Variants in PCID2 observed in about 807,000 individuals in gnomAD.
The protein encoded by PCID2 is PCI domain containing 2, also known as PCI domain-containing protein 2.
PCID2 carries 41 observed loss-of-function variants against 61.3 expected under a neutral mutation model. The observed-to-expected ratio is 0.67, with a 90% CI of 0.52 to 0.87. The LOEUF is 0.87. Ranked by LOEUF, PCID2 falls within the 40% of genes least tolerant of loss-of-function variation. The pLI, the probability that PCID2 is intolerant of heterozygous loss-of-function variation, is 0.00. For missense variants in PCID2, 392 were observed against 493.4 expected (o/e 0.79, Z 1.95); for synonymous variants, 187 against 177.8 (o/e 1.05, Z -0.41).
In PCID2 at chr13:113,198,289, A is replaced by G. The variant is rs371599282; in HGVS notation, c.127-25T>C. 57 of 1,464,554 alleles carry G rather than the reference A, an allele frequency of 3.9e-5. No individual in the cohort carries two copies. The African/African-American group carries it at 7.7e-4, about 20-fold the overall frequency. 90.7% of individuals were successfully genotyped at this position (1,464,554 alleles called of 1,614,324 possible). A position where few individuals can be genotyped will look rare whatever the true frequency, so the allele number is the denominator to read the frequency against. On this transcript the variant is annotated intron_variant, in intron 2 of 13. Transcript: ENST00000337344. ...TCTGATTTTAAAAAAGAAAAATAGC[A>G]AAAGTAAAATTAATAGGCACAGAAA... is the stretch of plus-strand genomic sequence containing the variant.
chr13:113,168,216 C>T, the PCID2 span, among the ~76,000 whole-genome samples: 26,347 of 152,220 alleles, frequency 0.17, 2,955 homozygotes, highest in South Asian at 0.42. Flanking sequence ...TAGTGGAATG[C>T]GGATAAATAT....
At chr13:113,182,983 TAAATAATATAAA>T (rs1192179908) in intron 9 of PCID2, among the ~76,000 whole-genome samples, 7 of 152,192 alleles carry the variant, frequency 4.6e-5, no homozygotes, top group African/African-American at 1.4e-4. Context: ...CTTTCTTACA[TAAATAATATAAA>T]ATCACAGGAA....
intron 7 of PCID2, among the ~76,000 whole-genome samples, chr13:113,189,723 A>AG (rs2038436232): frequency 1.3e-5 from 2 of 151,192 alleles, no homozygotes; most frequent in Non-Finnish European, 2.9e-5. Context: ...GGAGAGGAAA[A>AG]AAAAAAAAAA....
At chr13:113,206,875 G>C (rs1415881292) in intron 1 of PCID2, among the ~76,000 whole-genome samples, 1 of 152,182 alleles carries the variant, frequency 6.6e-6, no homozygotes, top group African/African-American at 2.4e-5. Flanking sequence ...CTCTCTACTT[G>C]TTCCCTGGGT....
the PCID2 span, among the ~76,000 whole-genome samples, chr13:113,165,540 G>T: frequency 2.0e-5 from 3 of 151,818 alleles, no homozygotes; most frequent in African/African-American, 7.3e-5. Flanking sequence ...TTTTTGGTTT[G>T]TTTTTTTTGA....
At position 113,178,490 on chromosome 13, in the gene PCID2, G is replaced by A. The variant is rs1306549879; in HGVS notation, c.1111-203C>T. The stretch of plus-strand genomic sequence containing the variant: ...TTCATATCCATGAATCTAACCAACT[G>A]TGGACTGAAAATATTTGGGGAAAAA... On this transcript the variant is annotated intron_variant, in intron 13 of 13. Coordinates refer to ENST00000337344, the MANE Select transcript of PCID2 (RefSeq NM_001127202.4). 1.6e-5 allele frequency: 8 copies of A among 495,010 alleles called. No individual in the cohort carries two copies. In the East Asian group the frequency reaches 2.7e-4, roughly 17 times the overall value. The allele number at this position is 495,010 out of a possible 1,614,324, so 30.7% of individuals were successfully genotyped here.
In PCID2 at chr13:113,177,654, TA is replaced by T. The variant is rs749696935; in HGVS notation, c.*543del. 1 of 152,208 alleles carries T rather than the reference TA, an allele frequency of 6.6e-6. No homozygotes were observed. The highest frequency in any genetic ancestry group is 1.5e-5 in the Non-Finnish European group (1 of 68,050). 9.4% of individuals were successfully genotyped at this position (152,208 alleles called of 1,614,324 possible). Reference sequence around the variant, plus strand: ...AGTTTATTGGGATGTAACCCTATCATAAATTGAGGAGCATCCATACAGGCAA... The same window carrying T: ...AGTTTATTGGGATGTAACCCTATCATAATTGAGGAGCATCCATACAGGCAA... On this transcript the variant is annotated 3_prime_UTR_variant, in exon 14 of 14. Coordinates refer to ENST00000337344, the MANE Select transcript of PCID2 (RefSeq NM_001127202.4).
At position 113,198,084 on chromosome 13, in the gene PCID2, A is replaced by G. The variant is rs530760357; in HGVS notation, c.200+107T>C. 8.1e-5 allele frequency: 62 copies of G among 762,986 alleles called. No homozygotes were observed. The African/African-American group carries it at 1.0e-3, about 13-fold the overall frequency. The allele number at this position is 762,986 out of a possible 1,614,324, so 47.3% of individuals were successfully genotyped here. ...TACAAATGCATTTTCCCACTTTTTC[A>G]AAGTCAGTTATTCACTGCTTCAAGC... On this transcript the variant is annotated intron_variant, in intron 3 of 13. Transcript: ENST00000337344.
intron 1 of PCID2, among the ~76,000 whole-genome samples, chr13:113,202,575 T>C (rs981614330): frequency 6.6e-6 from 1 of 152,214 alleles, no homozygotes; most frequent in African/African-American, 2.4e-5. Context: ...GGAATTTACA[T>C]GCAATAATTT....
rs1250091187 is a variant in PCID2 at position 113,196,572 on chromosome 13, G to A, written c.267-350C>T. ...GCTTTAGAATCTGTAGCATAAGGCTGATTTTATCAACTCTAGAATTCTTGA... is the reference window on the plus strand; with the variant it reads ...GCTTTAGAATCTGTAGCATAAGGCTAATTTTATCAACTCTAGAATTCTTGA... On this transcript the variant is annotated intron_variant, in intron 4 of 13. Coordinates refer to ENST00000337344, the MANE Select transcript of PCID2 (RefSeq NM_001127202.4). Among the ~76,000 whole-genome samples, 3 of 152,204 alleles carry A rather than the reference G, an allele frequency of 2.0e-5. 1 individual carries two copies. Among genetic ancestry groups the A allele is most frequent in the Non-Finnish European group, 2.9e-5 (2 of 68,034 alleles).
chr13:113,193,161 C>T (rs1006346687), intron 6 of PCID2, among the ~76,000 whole-genome samples: 21 of 152,096 alleles, frequency 1.4e-4, no homozygotes, highest in Non-Finnish European at 5.9e-5. Context: ...TAAGACATGA[C>T]TAACACAAGA....
At chr13:113,172,468 G>T in the PCID2 span, 2 of 348,538 alleles carry the variant, frequency 5.7e-6, no homozygotes, top group South Asian at 2.4e-5. Flanking sequence ...CTGCACACTG[G>T]TGAGTGTGTT....
chr13:113,201,466 G>C (rs187201656), intron 1 of PCID2, among the ~76,000 whole-genome samples: 1 of 152,178 alleles, frequency 6.6e-6, no homozygotes, highest in East Asian at 1.9e-4. Context: ...TCTAGCGCCT[G>C]CCACAACAGA....
At chr13:113,208,340 C>G in intron 1 of PCID2, 1 of 1,432,540 alleles carries the variant, frequency 7.0e-7, no homozygotes, top group Non-Finnish European at 9.1e-7. Flanking sequence ...GGGACCGCCG[C>G]GTCTACTTAC....
At chr13:113,176,748 G>A (rs2037197912), downstream of PCID2, among the ~76,000 whole-genome samples, 1 of 152,186 alleles carries the variant, frequency 6.6e-6, no homozygotes, top group Non-Finnish European at 1.5e-5. Flanking sequence ...GGGTGACAGA[G>A]TGAGGTCCTG....
Position 113,179,328 on chromosome 13 carries a change from GT to G in PCID2, c.987-240del, listed in dbSNP as rs958594312. Among the ~76,000 whole-genome samples, 1,107 of 148,824 alleles carry G rather than the reference GT, an allele frequency of 7.4e-3. 18 individuals are homozygous for G. Among genetic ancestry groups the G allele is most frequent in the African/African-American group, 0.025 (1,024 of 40,566 alleles). Reference sequence around the variant, plus strand: ...TTTCTAAGTATTTCATTAAGGTTCGGTTTTTTTTTTCACATTTTAATCTCCC... The same window carrying G: ...TTTCTAAGTATTTCATTAAGGTTCGGTTTTTTTTTCACATTTTAATCTCCC... On this transcript the variant is annotated intron_variant, in intron 12 of 13. Coordinates refer to ENST00000337344, the MANE Select transcript of PCID2 (RefSeq NM_001127202.4). This position sits in a 1 kb window ranked among gnomAD's most constrained non-coding sequence, Gnocchi z 4.3.
At chr13:113,200,696 CTTT>C (rs998821979) in intron 1 of PCID2, 180 bp from the exon 2 acceptor site, 2,726 of 218,970 alleles carry the variant, frequency 0.012, no homozygotes, top group Middle Eastern at 0.028. Flanking sequence ...ACAATAATTT[CTTT>C]TTTTTTTTTT....
At chr13:113,205,782 G>C (rs146763475) in intron 1 of PCID2, among the ~76,000 whole-genome samples, 2 of 152,194 alleles carry the variant, frequency 1.3e-5, no homozygotes, top group African/African-American at 4.8e-5. Flanking sequence ...CAGACAGAGA[G>C]CACATTAGCG....
At chr13:113,175,629 G>A (rs553461425), downstream of PCID2, among the ~76,000 whole-genome samples, 12 of 152,296 alleles carry the variant, frequency 7.9e-5, no homozygotes, top group Admixed American at 2.0e-4. Context: ...CTCCGTGTCT[G>A]CCCCACAGGA....
Sources: gnomAD v4.1 joint callset for allele counts (sites outside exome capture counted in the v4.1 genomes callset) on GRCh38, gnomAD v4.1.1 for gene constraint, Gnocchi (gnomAD v3.1) non-coding constraint, MANE v1.5 for transcripts, NCBI Gene and HGNC (gene_info 2026-07-23, HGNC 2026-07-21) for gene names.